SLC14A2: variants seen among roughly 807,000 people sequenced by gnomAD.
The protein encoded by SLC14A2 is solute carrier family 14 member 2.
SLC14A2 carries 91 observed loss-of-function variants against 104.6 expected under a neutral mutation model. The observed-to-expected ratio is 0.87, with a 90% CI of 0.73 to 1.04. The LOEUF is 1.04. SLC14A2 is among the 50% of genes least tolerant of loss of function. The pLI is 0.00. For missense variants in SLC14A2, 1,189 were observed against 1,156.0 expected, an observed-to-expected ratio of 1.03 and a Z score of -0.41; for synonymous variants, 476 against 466.4, an observed-to-expected ratio of 1.02 and a Z score of -0.27.
intron 1 of SLC14A2, among the ~76,000 whole-genome samples, chr18:45,349,325 C>T (rs2085479670): frequency 6.6e-6 from 1 of 152,272 alleles, no homozygotes; most frequent in African/African-American, 2.4e-5. Flanking sequence ...TCCTTTGTAG[C>T]CACATGAGAA....
At chr18:45,612,086 GACATAT>G (rs1432595080), upstream of SLC14A2, among the ~76,000 whole-genome samples, 1 of 152,190 alleles carries the variant, frequency 6.6e-6, no homozygotes, top group Non-Finnish European at 1.5e-5. Context: ...CTAGAGATGA[GACATAT>G]ACATAAACAG....
intron 2 of SLC14A2, among the ~76,000 whole-genome samples, chr18:45,510,576 G>A (rs569705772): frequency 6.6e-6 from 1 of 152,090 alleles, no homozygotes; most frequent in East Asian, 1.9e-4. Context: ...CTGCTGATCA[G>A]GGTCCTGCCT....
At chr18:45,652,074 A>G (rs907349554) in intron 10 of SLC14A2, among the ~76,000 whole-genome samples, 3 of 152,202 alleles carry the variant, frequency 2.0e-5, no homozygotes, top group Non-Finnish European at 4.4e-5. Flanking sequence ...ACATTTGTTT[A>G]TGCTTTCCTG....
At chr18:45,298,888 A>G (rs1448285406) in intron 1 of SLC14A2, among the ~76,000 whole-genome samples, 1 of 152,198 alleles carries the variant, frequency 6.6e-6, no homozygotes, top group Non-Finnish European at 1.5e-5. Context: ...CTCAAGGAAG[A>G]AACAATTCTC....
chr18:45,454,238 C>T (rs1257399636), intron 1 of SLC14A2, among the ~76,000 whole-genome samples: 2 of 152,180 alleles, frequency 1.3e-5, no homozygotes, highest in Non-Finnish European at 1.5e-5. Flanking sequence ...TTCTAATCCT[C>T]AACTTCCTTT....
At chr18:45,659,397 A>C (rs1403083140) in intron 10 of SLC14A2, among the ~76,000 whole-genome samples, 1 of 152,236 alleles carries the variant, frequency 6.6e-6, no homozygotes, top group Non-Finnish European at 1.5e-5. Flanking sequence ...GCCCAGCCTC[A>C]CCTCAAAAGA....
intron 1 of SLC14A2, among the ~76,000 whole-genome samples, chr18:45,259,742 G>T (rs537578581): frequency 7.2e-5 from 11 of 152,174 alleles, no homozygotes; most frequent in African/African-American, 2.6e-4. Flanking sequence ...TAACGAGAAG[G>T]GTAATATTTT....
At chr18:45,194,344 C>T in the SLC14A2 span, among the ~76,000 whole-genome samples, 28 of 152,072 alleles carry the variant, frequency 1.8e-4, no homozygotes, top group African/African-American at 6.8e-4. Context: ...TTTGTAGGGT[C>T]GCCATCAGGT....
At chr18:45,526,438 A>G (rs2043595001) in intron 2 of SLC14A2, among the ~76,000 whole-genome samples, 1 of 152,190 alleles carries the variant, frequency 6.6e-6, no homozygotes, top group African/African-American at 2.4e-5. Flanking sequence ...CCAATCAAAA[A>G]CACCAGACTA....
At chr18:45,465,421 A>G (rs998993841) in intron 1 of SLC14A2, among the ~76,000 whole-genome samples, 2 of 152,162 alleles carry the variant, frequency 1.3e-5, no homozygotes, top group Non-Finnish European at 1.5e-5. Flanking sequence ...CCAATTTTCT[A>G]TCATCTCTCC....
chr18:45,221,050 G>A (rs117640746), intron 1 of SLC14A2, among the ~76,000 whole-genome samples: 1,097 of 152,268 alleles, frequency 7.2e-3, no homozygotes, highest in Non-Finnish European at 0.012. Context: ...CACTTTAAGA[G>A]CCCTATCTCC....
At chr18:45,619,628 T>G (rs929331481) in intron 1 of SLC14A2, among the ~76,000 whole-genome samples, 1 of 152,070 alleles carries the variant, frequency 6.6e-6, no homozygotes, top group African/African-American at 2.4e-5. Context: ...AAGCAGATCA[T>G]TATGTGTTCT....
intron 1 of SLC14A2, among the ~76,000 whole-genome samples, chr18:45,369,263 C>G (rs1011555370): frequency 6.6e-6 from 1 of 152,192 alleles, no homozygotes; most frequent in South Asian, 2.1e-4. Context: ...ATCCATCTTT[C>G]TTTTCCCATA....
At chr18:45,354,504 C>G (rs757589677) in intron 1 of SLC14A2, among the ~76,000 whole-genome samples, 1 of 152,156 alleles carries the variant, frequency 6.6e-6, no homozygotes, top group African/African-American at 2.4e-5. Context: ...TGTTGACTTG[C>G]GGAGGCTCCC....
rs577351278 is a variant in SLC14A2 at position 45,303,513 on chromosome 18, T to A, written c.-125+90322T>A. Reference sequence around the variant, plus strand: ...AGCTCAGGCAAGACAGGGCCTCATGTGGACATTGCTGGGAATAGTCCCCAA... The same window carrying A: ...AGCTCAGGCAAGACAGGGCCTCATGAGGACATTGCTGGGAATAGTCCCCAA... On this transcript the variant is annotated intron_variant, in intron 1 of 20. Coordinates refer to the SLC14A2 transcript ENST00000586448. Among the ~76,000 whole-genome samples, 4 of 152,356 alleles carry A rather than the reference T, an allele frequency of 2.6e-5. No individual in the cohort carries two copies. In the South Asian group the frequency reaches 8.3e-4, roughly 32 times the overall value.
chr18:45,332,378 C>A (rs2085299192), intron 1 of SLC14A2, among the ~76,000 whole-genome samples: 3 of 152,078 alleles, frequency 2.0e-5, no homozygotes, highest in African/African-American at 7.2e-5. Flanking sequence ...TATAAGTAAT[C>A]TAAAGATAAT....
chr18:45,475,618 G>T (rs2087347030), intron 1 of SLC14A2, among the ~76,000 whole-genome samples: 1 of 58,656 alleles, frequency 1.7e-5, no homozygotes, highest in Non-Finnish European at 3.4e-5. Context: ...TATATATTTA[G>T]GATATATATA....
Position 45,507,435 on chromosome 18 carries a change from AG to A in SLC14A2, c.-35+24116del, listed in dbSNP as rs773034084. On this transcript the variant is annotated intron_variant, in intron 2 of 20. Transcript: ENST00000586448. Reference sequence around the variant, plus strand: ...CTTTGGTAAGCTCTGCCCCATAACCAGGGTCTAGCATTGAGGGAAGTGCTTT... The same window carrying A: ...CTTTGGTAAGCTCTGCCCCATAACCAGGTCTAGCATTGAGGGAAGTGCTTT... 2.6e-5 allele frequency: 4 copies of A among 152,440 alleles called. No homozygotes were observed. The East Asian group carries it at 7.7e-4, about 29-fold the overall frequency. 9.4% of individuals were successfully genotyped at this position (152,440 alleles called of 1,614,324 possible). A position where few individuals can be genotyped will look rare whatever the true frequency, so the allele number is the denominator to read the frequency against.
chr18:45,226,802 A>AAATAAT (rs143475234), intron 1 of SLC14A2, among the ~76,000 whole-genome samples: 2 of 151,554 alleles, frequency 1.3e-5, no homozygotes, highest in African/African-American at 4.9e-5. Flanking sequence ...CCTAGAACTT[A>AAATAAT]AATAATAATA....
Sources: allele counts gnomAD v4.1 joint callset (sites outside exome capture counted in the v4.1 genomes callset), GRCh38; gene constraint gnomAD v4.1.1; transcripts MANE v1.5; gene names NCBI Gene and HGNC (gene_info 2026-07-23, HGNC 2026-07-21).